The following OTOF variants were observed in gnomAD, a reference collection of about 807,000 sequenced individuals.
OTOF encodes otoferlin.
A neutral mutation model predicts 236.8 loss-of-function variants in OTOF; 218 were observed. That is an observed-to-expected ratio of 0.92 (90% CI 0.82 to 1.03). The LOEUF (loss-of-function observed/expected upper bound fraction) is 1.03. Among genes scored for constraint, OTOF ranks in the 50% least tolerant of loss-of-function variants. The pLI, the probability that OTOF is intolerant of heterozygous loss-of-function variation, is 0.00. For synonymous variants in OTOF, 1,041 were observed against 1,072.5 expected, an observed-to-expected ratio of 0.97 and a Z score of 0.57; for missense variants, 2,590 against 2,694.4, an observed-to-expected ratio of 0.96 and a Z score of 0.86.
intron 1 of OTOF, among the ~76,000 whole-genome samples, chr2:26,555,228 T>G (rs573904304): frequency 6.6e-6 from 1 of 152,216 alleles, no homozygotes; most frequent in Non-Finnish European, 1.5e-5. Context: ...TGATTACTCC[T>G]GGGAACTGCA....
At chr2:26,528,824 C>A (rs528579314) in intron 2 of OTOF, among the ~76,000 whole-genome samples, 1 of 152,160 alleles carries the variant, frequency 6.6e-6, no homozygotes, top group Non-Finnish European at 1.5e-5. Flanking sequence ...CTGTCCTAGG[C>A]GTAGTGTTTT....
Position 26,460,528 on chromosome 2 carries a change from G to T in OTOF, c.5813+119C>A. The T allele has an allele frequency of 1.2e-6, 1 of 829,952 alleles. No homozygotes were observed. Among genetic ancestry groups the T allele is most frequent in the Non-Finnish European group, 2.0e-6 (1 of 495,022 alleles). The allele number at this position is 829,952 out of a possible 1,614,324, so 51.4% of individuals were successfully genotyped here. On this transcript the variant is annotated intron_variant, in intron 45 of 46. Transcript: ENST00000272371. The surrounding 1 kb of genome is among the most constrained non-coding windows in gnomAD (Gnocchi z 5.3). ...AGGGTTGGCAGAGGGCAGGGAGGAG[G>T]CTCCCCTGTAATGAGGCTGTGGCCC... is the stretch of plus-strand genomic sequence containing the variant.
chr2:26,554,808 G>A (rs1411743822), intron 1 of OTOF, among the ~76,000 whole-genome samples: 1 of 152,176 alleles, frequency 6.6e-6, no homozygotes, highest in Admixed American at 6.5e-5. Context: ...GAATGAAAAG[G>A]TGGAGGGGGA....
chr2:26,506,401 C>G (rs951866486), intron 5 of OTOF, among the ~76,000 whole-genome samples: 9 of 152,246 alleles, frequency 5.9e-5, no homozygotes, highest in African/African-American at 1.9e-4. Context: ...ACAGACTTCC[C>G]TCTCCCCTGC....
chr2:26,468,608 C>T, intron 32 of OTOF, 134 bp from the exon 33 acceptor site: 1 of 767,672 alleles, frequency 1.3e-6, no homozygotes, highest in Admixed American at 1.8e-5. Context: ...TCAAGTCCAC[C>T]ATGTGCTCTG....
At chr2:26,481,210 G>A (rs553260687) in intron 14 of OTOF, among the ~76,000 whole-genome samples, 6 of 152,216 alleles carry the variant, frequency 3.9e-5, no homozygotes, top group Admixed American at 6.5e-5. Context: ...CCCTGCGGGG[G>A]CCTGAGCTGG....
At chr2:26,504,319 G>A (rs1405926504) in intron 5 of OTOF, among the ~76,000 whole-genome samples, 1 of 152,148 alleles carries the variant, frequency 6.6e-6, no homozygotes, top group Non-Finnish European at 1.5e-5. Flanking sequence ...AGGGACCAGA[G>A]AGGACTCAGG....
chr2:26,477,074 G>A lies in OTOF; in HGVS notation c.2524-31C>T. The A allele has an allele frequency of 6.6e-7, 1 of 1,519,752 alleles. No homozygotes were observed. Among genetic ancestry groups the A allele is most frequent in the Non-Finnish European group, 9.0e-7 (1 of 1,116,316 alleles). 94.1% of individuals were successfully genotyped at this position (1,519,752 alleles called of 1,614,324 possible). On this transcript the variant is annotated intron_variant, in intron 21 of 46. Coordinates refer to ENST00000272371, the MANE Select transcript of OTOF (RefSeq NM_194248.3). This position sits in a 1 kb window ranked among gnomAD's most constrained non-coding sequence, Gnocchi z 4.7. ...GGTTGGGGGGTGGCCAGGGGCAGTG[G>A]GTAAGGGGGTCTAGCCTCCTGATTG...
At chr2:26,472,842 A>C (rs1357505379) in intron 29 of OTOF, among the ~76,000 whole-genome samples, 193 bp from the exon 30 acceptor site, 1 of 152,144 alleles carries the variant, frequency 6.6e-6, no homozygotes, top group East Asian at 1.9e-4. Flanking sequence ...GAAGCTGCGG[A>C]GGCCGGTGGG....
chr2:26,468,583 C>T (rs1664841638), intron 32 of OTOF, 109 bp from the exon 33 acceptor site: 1 of 833,818 alleles, frequency 1.2e-6, no homozygotes, highest in Non-Finnish European at 2.1e-6. Flanking sequence ...AGTAGAAAAT[C>T]TTCCCTACTG....
intron 1 of OTOF, among the ~76,000 whole-genome samples, chr2:26,555,922 T>A (rs1168470177): frequency 6.6e-6 from 1 of 152,196 alleles, no homozygotes; most frequent in Non-Finnish European, 1.5e-5. Flanking sequence ...AGTGTTATTA[T>A]CATGCCCATT....
chr2:26,476,281 T>A lies in OTOF; in HGVS notation c.2713A>T (p.Thr905Ser). ...GKRGFGSAGW[T>S]VQAKVELYLW... is the part of the protein sequence containing the mutation. ...TACAGCTCCACCTTGGCCTGCACTG[T>A]CCAGCCTGCCGAGCCGAAGCCCCGC... Residue 905 changes from threonine to serine, a missense_variant, in exon 23 of 47, where the codon ACA becomes TCA. By Grantham distance (58) the Thr-to-Ser change is moderately conservative. Transcript: ENST00000272371. 6.2e-7 allele frequency: 1 copy of A among 1,603,936 alleles called. No individual in the cohort carries two copies.
intron 30 of OTOF, 115 bp from the exon 31 acceptor site, chr2:26,471,265 C>T (rs1664963954): frequency 3.2e-6 from 4 of 1,258,070 alleles, no homozygotes; most frequent in Non-Finnish European, 4.7e-6. Context: ...TGTGTGCTGG[C>T]AGCCCCTGTG....
At chr2:26,471,432 G>T (rs751534346) in intron 30 of OTOF, among the ~76,000 whole-genome samples, 12 of 152,120 alleles carry the variant, frequency 7.9e-5, no homozygotes, top group Non-Finnish European at 1.0e-4. Flanking sequence ...CAGCTTGTAC[G>T]CCACTTCCAC....
intron 8 of OTOF, among the ~76,000 whole-genome samples, chr2:26,498,146 C>T (rs1666034112): frequency 6.6e-6 from 1 of 152,220 alleles, no homozygotes; most frequent in Admixed American, 6.5e-5. Flanking sequence ...GGCTACTTCT[C>T]CCTGTCCCCC....
chr2:26,498,652 C>A (rs1666046389), intron 8 of OTOF, among the ~76,000 whole-genome samples: 1 of 152,160 alleles, frequency 6.6e-6, no homozygotes, highest in Non-Finnish European at 1.5e-5. Flanking sequence ...GACATACTCC[C>A]CAGTGGCTTC....
At chr2:26,468,500 C>T (rs376731852) in intron 32 of OTOF, 26 bp from the exon 33 acceptor site, 1 of 1,606,786 alleles carries the variant, frequency 6.2e-7, no homozygotes, top group Admixed American at 1.7e-5. Flanking sequence ...ATGAAAAGGA[C>T]AGAAGGTGGG....
chr2:26,478,318 G>C (rs1315614462), intron 18 of OTOF, among the ~76,000 whole-genome samples: 2 of 152,242 alleles, frequency 1.3e-5, no homozygotes, highest in African/African-American at 2.4e-5. Flanking sequence ...GGCTTTAATT[G>C]TGGTTATAGT....
chr2:26,545,834 C>G (rs1667316892), intron 1 of OTOF, among the ~76,000 whole-genome samples: 2 of 152,108 alleles, frequency 1.3e-5, no homozygotes, highest in South Asian at 4.1e-4. Flanking sequence ...GAGTTTATTT[C>G]TGGACACTAT....
Sources: gnomAD v4.1 joint callset for allele counts (sites outside exome capture counted in the v4.1 genomes callset) on GRCh38, gnomAD v4.1.1 for gene constraint, Gnocchi (gnomAD v3.1) non-coding constraint, MANE v1.5 for transcripts, NCBI Gene and HGNC (gene_info 2026-07-23, HGNC 2026-07-21) for gene names.